FRY: variants seen among roughly 807,000 people sequenced by gnomAD.
The protein encoded by FRY is FRY microtubule binding protein.
FRY carries 128 observed loss-of-function variants against 348.4 expected under a neutral mutation model. The ratio of observed to expected loss-of-function variants is 0.37; its 90% CI spans 0.32 to 0.43. The LOEUF (loss-of-function observed/expected upper bound fraction) is 0.43. Ranked by LOEUF, FRY falls within the 20% of genes least tolerant of loss-of-function variation. FRY has a pLI of 1.00. For missense variants in FRY, 2,736 were observed against 3,695.2 expected, an observed-to-expected ratio of 0.74 and a Z score of 6.73; for synonymous variants, 1,370 against 1,374.7, an observed-to-expected ratio of 1.00 and a Z score of 0.08.
In FRY at chr13:32,136,855, T is replaced by C. The variant is rs1246628567; in HGVS notation, c.1078-16T>C. 1 of 1,362,592 alleles carries C rather than the reference T, an allele frequency of 7.3e-7. No homozygotes were observed. The highest frequency in any genetic ancestry group is 1.1e-6 in the Non-Finnish European group (1 of 950,404). The allele number at this position is 1,362,592 out of a possible 1,614,324, so 84.4% of individuals were successfully genotyped here. ...AAATATAAATGATCCTGTGACCTCC[T>C]CTCCTTTCTCCTCAGGCCTTGTACC... is the stretch of plus-strand genomic sequence containing the variant. On this transcript the variant is annotated splice_polypyrimidine_tract_variant and intron_variant, in intron 10 of 60. Transcript: ENST00000542859.
At position 32,225,990 on chromosome 13, in the gene FRY, T is replaced by C. The variant is rs760779346; in HGVS notation, c.5206+16T>C. 7.5e-6 allele frequency: 12 copies of C among 1,610,506 alleles called. No individual in the cohort carries two copies. The East Asian group carries it at 2.7e-4, about 36-fold the overall frequency. Reference sequence around the variant, plus strand: ...CTCTATACAGGTAACAGAGAAGGACTGGTAGAGAGCCTAGGACAGTTACAA... The same window carrying C: ...CTCTATACAGGTAACAGAGAAGGACCGGTAGAGAGCCTAGGACAGTTACAA... On this transcript the variant is annotated intron_variant, in intron 39 of 60. Coordinates refer to ENST00000542859, the MANE Select transcript of FRY (RefSeq NM_023037.3).
rs1399275505 is a variant in FRY, at chr13:32,186,294, T to C, written c.3354T>C (p.Ser1118=). 6.2e-6 allele frequency: 10 copies of C among 1,613,750 alleles called. No individual in the cohort carries two copies. The highest frequency in any genetic ancestry group is 8.5e-6 in the Non-Finnish European group (10 of 1,179,664). The part of the protein sequence containing the change: ...HHRRFLFPQQ[S]LRHHLFILFS... Reference sequence around the variant, plus strand: ...GAAGATTTCTCTTCCCCCAGCAAAGTCTGAGGCACCACCTTTTCATCTTAT... The same window carrying C: ...GAAGATTTCTCTTCCCCCAGCAAAGCCTGAGGCACCACCTTTTCATCTTAT... Residue 1118 remains serine (S), a synonymous_variant, in exon 27 of 61, where the codon AGT becomes AGC. Transcript: ENST00000542859.
intron 60 of FRY, 72 bp downstream of exon 60, chr13:32,294,642 G>T: frequency 8.5e-7 from 1 of 1,170,190 alleles, no homozygotes; most frequent in Non-Finnish European, 1.3e-6. Flanking sequence ...CATGGTTGGA[G>T]TCTAGCCCAC....
intron 1 of FRY, among the ~76,000 whole-genome samples, chr13:32,054,737 T>C (rs1356667891): frequency 1.3e-5 from 2 of 152,062 alleles, no homozygotes; most frequent in African/African-American, 4.8e-5. Flanking sequence ...TAGCCGGGCA[T>C]GGTGGTGGAC....
chr13:32,202,154 C>T, intron 30 of FRY, 114 bp downstream of exon 30: 1 of 828,056 alleles, frequency 1.2e-6, no homozygotes, highest in Non-Finnish European at 2.1e-6. Context: ...TTCTGCATAT[C>T]ATTTGTGGCT....
At chr13:32,120,407 G>C (rs1224953690) in intron 4 of FRY, among the ~76,000 whole-genome samples, 1 of 152,022 alleles carries the variant, frequency 6.6e-6, no homozygotes, top group Non-Finnish European at 1.5e-5. Flanking sequence ...AGAAAATGGG[G>C]TAGAGGGACT....
At chr13:32,186,534 A>C in intron 27 of FRY, 114 bp downstream of exon 27, 4 of 760,716 alleles carry the variant, frequency 5.3e-6, no homozygotes, top group Non-Finnish European at 9.1e-6. Flanking sequence ...TCATAGAATA[A>C]AATCTAAGCG....
chr13:32,090,996 G>T (rs896631428), intron 2 of FRY, among the ~76,000 whole-genome samples: 1 of 152,050 alleles, frequency 6.6e-6, no homozygotes, highest in Admixed American at 6.5e-5. Flanking sequence ...TAGGGTACTG[G>T]GCAGCATCTT....
chr13:32,189,385 T>C (rs1241127503), intron 28 of FRY, among the ~76,000 whole-genome samples: 2 of 152,104 alleles, frequency 1.3e-5, no homozygotes, highest in Non-Finnish European at 2.9e-5. Context: ...TTCCATGAGC[T>C]TTCTGAAGAC....
rs547281663 is a variant in FRY at position 32,296,410 on chromosome 13, A to G, written c.*950A>G. 6.6e-6 allele frequency: 1 copy of G among 152,614 alleles called. No individual in the cohort carries two copies. Among genetic ancestry groups the G allele is most frequent in the Non-Finnish European group, 1.5e-5 (1 of 68,032 alleles). 9.5% of individuals were successfully genotyped at this position (152,614 alleles called of 1,614,324 possible). A position where few individuals can be genotyped will look rare whatever the true frequency, so the allele number is the denominator to read the frequency against. On this transcript the variant is annotated 3_prime_UTR_variant, in exon 61 of 61. Coordinates refer to ENST00000542859, the MANE Select transcript of FRY (RefSeq NM_023037.3). ...CTTTGTTTCTTCGATGTCATATTTT[A>G]TGTGTAATATATATGTAAAGGGCCA...
chr13:32,265,947 C>T (rs1212488619), intron 54 of FRY, among the ~76,000 whole-genome samples: 1 of 152,044 alleles, frequency 6.6e-6, no homozygotes, highest in African/African-American at 2.4e-5. Flanking sequence ...AAGTTCTTTC[C>T]ATTTGGAGTT....
chr13:32,194,429 G>A (rs1332958541), intron 29 of FRY, 132 bp downstream of exon 29: 1 of 774,570 alleles, frequency 1.3e-6, no homozygotes, highest in African/African-American at 1.7e-5. Flanking sequence ...TGTTCTGTAT[G>A]TCCCCAGCAG....
intron 2 of FRY, among the ~76,000 whole-genome samples, chr13:32,100,901 G>A (rs1487175663): frequency 2.0e-5 from 3 of 152,098 alleles, no homozygotes; most frequent in Admixed American, 2.0e-4. Flanking sequence ...CACTCAGGAG[G>A]GTTCTGCCCT....
intron 13 of FRY, 101 bp downstream of exon 13, chr13:32,148,048 C>G: frequency 1.3e-6 from 1 of 773,646 alleles, no homozygotes; most frequent in Non-Finnish European, 2.4e-6. Flanking sequence ...AAATTAGCAT[C>G]TTACGTGTTT....
intron 3 of FRY, among the ~76,000 whole-genome samples, chr13:32,115,754 A>G (rs934045544): frequency 6.7e-5 from 10 of 150,298 alleles, no homozygotes; most frequent in African/African-American, 2.5e-4. Flanking sequence ...TCCCAGGTAA[A>G]CTCTCATCTT....
At chr13:32,185,240 C>A in intron 26 of FRY, 92 bp downstream of exon 26, 1 of 1,097,714 alleles carries the variant, frequency 9.1e-7, no homozygotes, top group Non-Finnish European at 1.4e-6. Flanking sequence ...CCCTACTGGC[C>A]TTTATGCAGG....
At chr13:32,038,185 A>C (rs775129519) in intron 1 of FRY, among the ~76,000 whole-genome samples, 2 of 152,210 alleles carry the variant, frequency 1.3e-5, no homozygotes, top group Non-Finnish European at 2.9e-5. Context: ...ACATGGCATC[A>C]TGTAGGTATA....
In FRY at chr13:32,134,917, A is replaced by T. The variant is rs369224674; in HGVS notation, c.899A>T (p.Tyr300Phe). The T allele has an allele frequency of 9.8e-5, 158 of 1,606,986 alleles. No individual in the cohort carries two copies. Among genetic ancestry groups the T allele is most frequent in the Middle Eastern group, 1.6e-4 (1 of 6,074 alleles). The part of the protein sequence containing the change: ...SLQFMQECAH[Y>F]FLEVKDKDIK... ...TCTGCTTCCCAGGAATGTGCACATT[A>T]CTTCCTCGAGGTCAAAGACAAAGAT... The change falls in exon 9 of 61, where the codon TAC (tyrosine) becomes TTC (phenylalanine). Residue 300 changes from tyrosine (Y) to phenylalanine (F), a missense_variant. Physicochemically the swap from Tyr to Phe is conservative, Grantham distance 22. Around this residue, in one of 9 missense-constraint regions of FRY, gnomAD observed 309 missense variants for 418.1 expected, o/e 0.74. Transcript: ENST00000542859.
chr13:32,072,735 G>A (rs1874747697), intron 1 of FRY, among the ~76,000 whole-genome samples: 1 of 152,158 alleles, frequency 6.6e-6, no homozygotes, highest in Non-Finnish European at 1.5e-5. Flanking sequence ...TTAAGTCTTA[G>A]GAGAAAAGGC....
Sources: gnomAD v4.1 joint callset for allele counts (sites outside exome capture counted in the v4.1 genomes callset) on GRCh38, gnomAD v4.1.1 for gene constraint, gnomAD v4.1.1 regional missense constraint, MANE v1.5 for transcripts, NCBI Gene and HGNC (gene_info 2026-07-23, HGNC 2026-07-21) for gene names.